ARL5A: variants seen among roughly 807,000 people sequenced by gnomAD.
ARL5A encodes ADP-ribosylation factor-like protein 5A.
ARL5A carries 18 observed loss-of-function variants against 25.9 expected under a neutral mutation model. The observed-to-expected ratio is 0.69, with a 90% CI of 0.48 to 1.03. ARL5A has a LOEUF of 1.03. Ranked by LOEUF, ARL5A falls within the 50% of genes least tolerant of loss-of-function variation. The pLI, the probability that ARL5A is intolerant of heterozygous loss-of-function variation, is 0.00. For synonymous variants in ARL5A, 61 were observed against 67.5 expected, an observed-to-expected ratio of 0.90 and a Z score of 0.47; for missense variants, 170 against 211.9, an observed-to-expected ratio of 0.80 and a Z score of 1.23.
chr2:151,803,328 T>C lies in ARL5A; in HGVS notation c.492-4A>G, dbSNP rs1424792662. 4.3e-6 allele frequency: 7 copies of C among 1,610,390 alleles called. No individual in the cohort carries two copies. Among genetic ancestry groups the C allele is most frequent in the South Asian group, 1.1e-5 (1 of 90,982 alleles). ...CCATTCAAGTCCTTGGCACAATCTA[T>C]AAAGAAAACAAAATCATTTGATTAA... On this transcript the variant is annotated splice_region_variant and splice_polypyrimidine_tract_variant and intron_variant, in intron 5 of 5. Transcript: ENST00000295087.
chr2:151,809,925 T>C (rs1322985273), intron 4 of ARL5A, among the ~76,000 whole-genome samples: 1 of 152,020 alleles, frequency 6.6e-6, no homozygotes, highest in Non-Finnish European at 1.5e-5. Context: ...CTACTAAAAA[T>C]ATAAAAAAAT....
chr2:151,812,526 T>C (rs2151293952), intron 3 of ARL5A, 86 bp from the exon 4 acceptor site: 2 of 812,374 alleles, frequency 2.5e-6, no homozygotes, highest in Non-Finnish European at 3.6e-6. Context: ...ATACAGGCTA[T>C]TAATATCAAG....
chr2:151,819,872 G>A (rs1378257838), intron 1 of ARL5A, among the ~76,000 whole-genome samples: 1 of 152,036 alleles, frequency 6.6e-6, no homozygotes, highest in African/African-American at 2.4e-5. Flanking sequence ...TGGCCAAGAT[G>A]GTGAAACCCC....
chr2:151,811,529 TA>T (rs960878752), intron 4 of ARL5A, among the ~76,000 whole-genome samples: 15 of 151,990 alleles, frequency 9.9e-5, no homozygotes, highest in African/African-American at 3.6e-4. Context: ...TTTTTCTATT[TA>T]AAAAATTTTA....
rs1421139130 is a variant in ARL5A, at chr2:151,812,350, T to C, written c.339+7A>G. ...CCATATCTAATGTAAAAAGACTACT[T>C]ACTTACCTCATGCGCTAACATTTTA... On this transcript the variant is annotated splice_region_variant and intron_variant, in intron 4 of 5. Coordinates refer to ENST00000295087, the MANE Select transcript of ARL5A (RefSeq NM_012097.4). 6.3e-7 allele frequency: 1 copy of C among 1,582,900 alleles called. No homozygotes were observed. The highest frequency in any genetic ancestry group is 8.6e-7 in the Non-Finnish European group (1 of 1,162,144).
chr2:151,818,018 C>A (rs1297186249), intron 1 of ARL5A, among the ~76,000 whole-genome samples: 2 of 152,254 alleles, frequency 1.3e-5, no homozygotes, highest in East Asian at 3.9e-4. Flanking sequence ...GGTCTTTAGT[C>A]TCCCAGATCC....
Position 151,815,250 on chromosome 2 carries a change from GATTA to G in ARL5A, c.47-55_47-52del, listed in dbSNP as rs374907847. On this transcript the variant is annotated intron_variant, in intron 1 of 5. Transcript: ENST00000295087. The stretch of plus-strand genomic sequence containing the variant: ...TTTTTTTCAAAAAAGGAAAAAAAAA[GATTA>G]ATTATAGGAAAAAATATACTCTGTA... 62 of 1,397,846 alleles carry G rather than the reference GATTA, an allele frequency of 4.4e-5. No homozygotes were observed. In the East Asian group the frequency reaches 1.2e-3, roughly 28 times the overall value. The allele number at this position is 1,397,846 out of a possible 1,614,324, so 86.6% of individuals were successfully genotyped here.
chr2:151,808,121 C>T (rs1197726845), intron 4 of ARL5A, among the ~76,000 whole-genome samples: 1 of 151,970 alleles, frequency 6.6e-6, no homozygotes, highest in Non-Finnish European at 1.5e-5. Context: ...TAATAAATAG[C>T]CTAAATTCCC....
Position 151,828,242 on chromosome 2 carries a change from G to T in ARL5A, c.-66C>A. The stretch of plus-strand genomic sequence containing the variant: ...CCTGGCTTCCCCCGGCTCAGGCTGA[G>T]GGGGAGGAGAGAGACGCGCTGGAGC... On this transcript the variant is annotated 5_prime_UTR_variant, in exon 1 of 6. Transcript: ENST00000295087. 1.0e-5 allele frequency: 15 copies of T among 1,478,510 alleles called. No homozygotes were observed. The highest frequency in any genetic ancestry group is 1.4e-5 in the Non-Finnish European group (15 of 1,068,526). The allele number at this position is 1,478,510 out of a possible 1,614,324, so 91.6% of individuals were successfully genotyped here.
In ARL5A at chr2:151,828,349, GC is replaced by G; in HGVS notation, c.-174del. ...GGGAGGCCGAAGCCCAGGCCGCCCT[GC>G]CGCGCGCAAGGCCCCGCCGCTGCCG... On this transcript the variant is annotated 5_prime_UTR_variant, in exon 1 of 6. The change abolishes the stop of an existing upstream ORF in the 5' untranslated region. Transcript: ENST00000295087. The G allele has an allele frequency of 3.8e-6, 2 of 527,704 alleles. No homozygotes were observed. 32.7% of individuals were successfully genotyped at this position (527,704 alleles called of 1,614,324 possible).
chr2:151,814,914 C>T (rs1482904038), intron 2 of ARL5A, among the ~76,000 whole-genome samples: 1 of 152,004 alleles, frequency 6.6e-6, no homozygotes, highest in Non-Finnish European at 1.5e-5. Context: ...AGCTTTAGCA[C>T]AAAACAAGTG....
intron 2 of ARL5A, among the ~76,000 whole-genome samples, chr2:151,814,586 T>G (rs1391885292): frequency 6.6e-6 from 1 of 151,724 alleles, no homozygotes; most frequent in Non-Finnish European, 1.5e-5. Context: ...CAGGCCGGAG[T>G]GTAGTGGTGT....
chr2:151,820,678 A>AAAAAAAAAAAAAAAAAAAAAAAAG (rs2099832176), intron 1 of ARL5A, among the ~76,000 whole-genome samples: 1 of 150,626 alleles, frequency 6.6e-6, no homozygotes, highest in African/African-American at 2.4e-5. Flanking sequence ...AAAAAAAAAA[A>AAAAAAAAAAAAAAAAAAAAAAAAG]AAAAAAACAG....
chr2:151,807,041 T>C (rs916256369), intron 4 of ARL5A, 69 bp from the exon 5 acceptor site: 1 of 1,398,940 alleles, frequency 7.1e-7, no homozygotes, highest in Non-Finnish European at 9.7e-7. Flanking sequence ...ATTAACAGAA[T>C]CTTTTTCACA....
chr2:151,818,287 T>C lies in ARL5A; in HGVS notation c.47-3088A>G, dbSNP rs560007857. On this transcript the variant is annotated intron_variant, in intron 1 of 5. Transcript: ENST00000295087. The stretch of plus-strand genomic sequence containing the variant: ...TGCAATGACTGATGTGAATCCTTTC[T>C]TTTTTTTTGAGACAGGGTCTCACTC... Among the ~76,000 whole-genome samples, 51 of 151,556 alleles carry C rather than the reference T, an allele frequency of 3.4e-4. 1 individual carries two copies. The South Asian group carries it at 0.01, about 31-fold the overall frequency.
intron 4 of ARL5A, chr2:151,810,453 CT>C: frequency 2.8e-6 from 1 of 357,892 alleles, no homozygotes; most frequent in Non-Finnish European, 5.6e-6. Flanking sequence ...TACTGAGTAC[CT>C]TGCTCAAACT....
At chr2:151,823,695 T>C (rs913026073) in intron 1 of ARL5A, among the ~76,000 whole-genome samples, 5 of 152,206 alleles carry the variant, frequency 3.3e-5, no homozygotes, top group African/African-American at 1.2e-4. Context: ...GCTCACTGAA[T>C]GGCAGAGAAG....
chr2:151,815,268 A>C lies in ARL5A; in HGVS notation c.47-69T>G, dbSNP rs371769147. 2.4e-4 allele frequency: 305 copies of C among 1,256,866 alleles called. 2 individuals carry two copies. In the Middle Eastern group the frequency reaches 2.9e-3, roughly 12 times the overall value. 77.9% of individuals were successfully genotyped at this position (1,256,866 alleles called of 1,614,324 possible). A position where few individuals can be genotyped will look rare whatever the true frequency, so the allele number is the denominator to read the frequency against. On this transcript the variant is annotated intron_variant, in intron 1 of 5. Coordinates refer to ENST00000295087, the MANE Select transcript of ARL5A (RefSeq NM_012097.4). ...AAAAAAAGATTAATTATAGGAAAAA[A>C]TATACTCTGTATCTCACCCTTCTAT...
In ARL5A at chr2:151,821,775, C is replaced by CTTTTTTTT. The variant is rs760341359; in HGVS notation, c.46+6348_46+6355dup. On this transcript the variant is annotated intron_variant, in intron 1 of 5. Transcript: ENST00000295087. ...GGCAGGCACTACCATGCCCGGCTTT[C>CTTTTTTTT]TTTTTTTTTTTTTCTTTTTTTTTTT... is the stretch of plus-strand genomic sequence containing the variant. Among the ~76,000 whole-genome samples the CTTTTTTTT allele has an allele frequency of 6.5e-4, 74 of 113,530 alleles. 1 individual carries two copies. The highest frequency in any genetic ancestry group is 2.4e-3 in the African/African-American group (72 of 29,578). The allele number at this position is 113,530 out of a possible 152,430, so 74.5% of individuals were successfully genotyped here.
Sources: gnomAD v4.1 joint callset for allele counts (sites outside exome capture counted in the v4.1 genomes callset) on GRCh38, gnomAD v4.1.1 for gene constraint, MANE v1.5 for transcripts, NCBI Gene and HGNC (gene_info 2026-07-23, HGNC 2026-07-21) for gene names.